Variants in SDHB observed in about 807,000 individuals in gnomAD.
SDHB encodes the protein succinate dehydrogenase [ubiquinone] iron-sulfur subunit, mitochondrial.
A neutral mutation model predicts 39.7 loss-of-function variants in SDHB; 21 were observed. The ratio of observed to expected loss-of-function variants is 0.53; its 90% CI spans 0.37 to 0.76. The LOEUF (loss-of-function observed/expected upper bound fraction) is 0.76, where lower values mean the gene tolerates loss of function less well. Among genes scored for constraint, SDHB ranks in the 30% least tolerant of loss-of-function variants. SDHB has a pLI of 0.00. For synonymous variants in SDHB, 118 were observed against 117.0 expected (o/e 1.01, Z -0.06); for missense variants, 343 against 350.9 (o/e 0.98, Z 0.18).
At chr1:17,024,294 C>T (rs1032242171) in intron 5 of SDHB, among the ~76,000 whole-genome samples, 2 of 152,160 alleles carry the variant, frequency 1.3e-5, no homozygotes, top group Admixed American at 6.5e-5. Flanking sequence ...CTTAAATCCA[C>T]GTATAGTGCA....
At chr1:17,053,440 C>G (rs1378824940) in intron 1 of SDHB, among the ~76,000 whole-genome samples, 3 of 152,120 alleles carry the variant, frequency 2.0e-5, no homozygotes, top group Admixed American at 2.0e-4. Context: ...TTCCCTCCAT[C>G]TCTCCCTTCC....
At chr1:17,025,206 A>G (rs2077985209) in intron 5 of SDHB, among the ~76,000 whole-genome samples, 1 of 152,244 alleles carries the variant, frequency 6.6e-6, no homozygotes, top group African/African-American at 2.4e-5. Flanking sequence ...CTGAAGCAGT[A>G]GAAAGCAAAG....
chr1:17,023,726 T>C (rs547729655), intron 6 of SDHB, among the ~76,000 whole-genome samples: 1 of 152,362 alleles, frequency 6.6e-6, no homozygotes, highest in African/African-American at 2.4e-5. Context: ...TTTAAACATC[T>C]GCAAGGCATG....
intron 2 of SDHB, among the ~76,000 whole-genome samples, chr1:17,038,565 C>T (rs893178008): frequency 2.0e-5 from 3 of 152,148 alleles, no homozygotes; most frequent in Non-Finnish European, 4.4e-5. Flanking sequence ...TTTTACTTGC[C>T]TTTCATGGAC....
In SDHB at chr1:17,027,794, T is replaced by C; in HGVS notation, c.495A>G (p.Glu165=). 6.2e-7 allele frequency: 1 copy of C among 1,613,594 alleles called. No homozygotes were observed. ...PYLKKKDESQ[E]GKQQYLQSIE... is the part of the protein sequence containing the mutation. ...TGGACTGCAGATACTGCTGCTTGCC[T>C]TCCTGAGATTCATCCTTCTTCTTCA... Residue 165 remains glutamate, a synonymous_variant, in exon 5 of 8, where the codon GAA becomes GAG. Coordinates refer to ENST00000375499, the MANE Select transcript of SDHB (RefSeq NM_003000.3).
intron 5 of SDHB, 135 bp from the exon 6 acceptor site, chr1:17,024,209 C>A: frequency 2.8e-6 from 2 of 704,636 alleles, no homozygotes; most frequent in East Asian, 5.4e-5. Flanking sequence ...TTAGCAAAAT[C>A]CAAGGGGTGA....
chr1:17,020,510 CTCAGT>C (rs2077955451), intron 7 of SDHB, among the ~76,000 whole-genome samples: 2 of 152,204 alleles, frequency 1.3e-5, no homozygotes, highest in African/African-American at 4.8e-5. Flanking sequence ...TCTTGGCTGT[CTCAGT>C]TGTCTGCTGC....
At chr1:17,044,196 A>G (rs926243735) in intron 2 of SDHB, among the ~76,000 whole-genome samples, 1 of 152,242 alleles carries the variant, frequency 6.6e-6, no homozygotes, top group African/African-American at 2.4e-5. Context: ...AGCATTAAAA[A>G]AATGGTAATA....
intron 2 of SDHB, among the ~76,000 whole-genome samples, chr1:17,034,462 C>T (rs2078039532): frequency 6.6e-6 from 1 of 152,032 alleles, no homozygotes; most frequent in Non-Finnish European, 1.5e-5. Flanking sequence ...CTCACTGCAA[C>T]CTCTACCTTC....
intron 1 of SDHB, among the ~76,000 whole-genome samples, chr1:17,049,479 G>T (rs973129239): frequency 6.6e-5 from 10 of 151,254 alleles, no homozygotes; most frequent in African/African-American, 2.2e-4. Context: ...TGTATTTTTA[G>T]TACAGACAAG....
At chr1:17,025,876 GA>G (rs937829233) in intron 5 of SDHB, among the ~76,000 whole-genome samples, 41 of 152,146 alleles carry the variant, frequency 2.7e-4, no homozygotes, top group African/African-American at 9.7e-4. Context: ...TCCAAAATCT[GA>G]AACTTTTTGA....
chr1:17,044,955 G>A, intron 1 of SDHB, 67 bp from the exon 2 acceptor site: 1 of 1,415,460 alleles, frequency 7.1e-7, no homozygotes, highest in Admixed American at 1.8e-5. Context: ...CCATTTTGCT[G>A]GCACAACAGA....
At chr1:17,053,081 G>C (rs1278075705) in intron 1 of SDHB, among the ~76,000 whole-genome samples, 1 of 152,128 alleles carries the variant, frequency 6.6e-6, no homozygotes, top group Non-Finnish European at 1.5e-5. Flanking sequence ...GACTTAGAAA[G>C]GATTTGCAAA....
intron 2 of SDHB, among the ~76,000 whole-genome samples, chr1:17,035,138 ACTT>A (rs2078044037): frequency 6.6e-6 from 1 of 152,136 alleles, no homozygotes; most frequent in South Asian, 2.1e-4. Flanking sequence ...GTGCTATTTG[ACTT>A]CTAATTTTGG....
intron 7 of SDHB, among the ~76,000 whole-genome samples, chr1:17,021,824 G>A (rs1021352243): frequency 1.3e-5 from 2 of 152,006 alleles, no homozygotes; most frequent in Non-Finnish European, 2.9e-5. Flanking sequence ...AATACAGCAC[G>A]AAGGTTCTTG....
chr1:17,023,689 C>CT (rs1242917333), intron 6 of SDHB, among the ~76,000 whole-genome samples: 1 of 152,236 alleles, frequency 6.6e-6, no homozygotes, highest in Non-Finnish European at 1.5e-5. Flanking sequence ...GGGGGAGCCT[C>CT]TGACCACCAG....
chr1:17,048,744 CTT>C (rs2101545912), intron 1 of SDHB, among the ~76,000 whole-genome samples: 1 of 152,206 alleles, frequency 6.6e-6, no homozygotes, highest in South Asian at 2.1e-4. Context: ...GGGTCTCACT[CTT>C]GTCCCCCAGG....
chr1:17,032,929 T>A lies in SDHB; in HGVS notation c.286+131A>T, dbSNP rs1028558619. The A allele has an allele frequency of 8.1e-6, 6 of 741,912 alleles. No individual in the cohort carries two copies. The Admixed American group carries it at 1.2e-4, about 15-fold the overall frequency. 46.0% of individuals were successfully genotyped at this position (741,912 alleles called of 1,614,324 possible). A position where few individuals can be genotyped will look rare whatever the true frequency, so the allele number is the denominator to read the frequency against. The stretch of plus-strand genomic sequence containing the variant: ...GGATGCATTTACCCAAGAAAAGGAA[T>A]TAGGTTGCACAGCAAGTTCACCCAG... On this transcript the variant is annotated intron_variant, in intron 3 of 7. Transcript: ENST00000375499.
intron 2 of SDHB, among the ~76,000 whole-genome samples, chr1:17,037,156 C>T (rs2078054702): frequency 1.3e-5 from 2 of 152,000 alleles, no homozygotes; most frequent in African/African-American, 2.4e-5. Flanking sequence ...GACTGACAGA[C>T]ATAGGTTGAA....
Sources: gnomAD v4.1 joint callset for allele counts (sites outside exome capture counted in the v4.1 genomes callset) on GRCh38, gnomAD v4.1.1 for gene constraint, MANE v1.5 for transcripts, NCBI Gene and HGNC (gene_info 2026-07-23, HGNC 2026-07-21) for gene names.